The following POFUT3 variants were observed in gnomAD, a reference collection of about 807,000 sequenced individuals.
POFUT3 encodes GDP-fucose protein O-fucosyltransferase 3.
chr8:33,370,833 C>T, the POFUT3 span: 1 of 152,150 alleles, frequency 6.6e-6, no homozygotes, highest in South Asian at 2.1e-4. Context: ...ATTTTATATG[C>T]AATTTAAAAT....
the POFUT3 span, among the ~76,000 whole-genome samples, chr8:33,335,100 A>G: frequency 6.6e-6 from 1 of 151,876 alleles, no homozygotes; most frequent in Admixed American, 6.6e-5. Flanking sequence ...GATCTGAGCA[A>G]TGGTATGCTG....
the POFUT3 span, among the ~76,000 whole-genome samples, chr8:33,375,859 A>C: frequency 3.3e-5 from 5 of 152,016 alleles, no homozygotes; most frequent in African/African-American, 1.2e-4. Context: ...TTTACCAAAA[A>C]TACAAAAATG....
chr8:33,363,828 T>C, the POFUT3 span, among the ~76,000 whole-genome samples: 1 of 152,198 alleles, frequency 6.6e-6, no homozygotes, highest in Non-Finnish European at 1.5e-5. Context: ...CACAGCCGAA[T>C]TCTACCAGAG....
chr8:33,392,566 G>A, the POFUT3 span, among the ~76,000 whole-genome samples: 13 of 152,210 alleles, frequency 8.5e-5, no homozygotes, highest in South Asian at 2.1e-3. Context: ...GTGACAGAGC[G>A]AGACTCTGTC....
the POFUT3 span, among the ~76,000 whole-genome samples, chr8:33,308,582 A>G: frequency 6.6e-6 from 1 of 152,182 alleles, no homozygotes; most frequent in Non-Finnish European, 1.5e-5. Context: ...TCAATTGAAC[A>G]TGGACACAAA....
At chr8:33,429,144 A>G in the POFUT3 span, among the ~76,000 whole-genome samples, 1 of 152,180 alleles carries the variant, frequency 6.6e-6, no homozygotes, top group Non-Finnish European at 1.5e-5. Flanking sequence ...TTCCTTTTAC[A>G]AATAAGAAAA....
the POFUT3 span, among the ~76,000 whole-genome samples, chr8:33,415,712 C>T: frequency 6.6e-6 from 1 of 152,072 alleles, no homozygotes; most frequent in African/African-American, 2.4e-5. Flanking sequence ...GATTAAAGTC[C>T]CAGGACCTAT....
At chr8:33,413,468 A>G in the POFUT3 span, among the ~76,000 whole-genome samples, 1 of 152,176 alleles carries the variant, frequency 6.6e-6, no homozygotes, top group Non-Finnish European at 1.5e-5. Context: ...ACCAGACATG[A>G]GATTTGCAGA....
At chr8:33,342,141 C>G in the POFUT3 span, among the ~76,000 whole-genome samples, 2 of 152,086 alleles carry the variant, frequency 1.3e-5, no homozygotes, top group Admixed American at 6.6e-5. Context: ...GATCACACCA[C>G]TGCAACTCCA....
chr8:33,436,755 C>T, the POFUT3 span: 1 of 578,630 alleles, frequency 1.7e-6, no homozygotes, highest in South Asian at 2.1e-5. Context: ...AGCACGGACG[C>T]TTCTGACAAA....
At chr8:33,312,923 C>T in the POFUT3 span, among the ~76,000 whole-genome samples, 1 of 152,110 alleles carries the variant, frequency 6.6e-6, no homozygotes, top group Non-Finnish European at 1.5e-5. Context: ...GCATACCACC[C>T]TGCCTCCTCG....
At chr8:33,461,187 AAGGAAGGGAGGGAGGGAGGGAGGGAGGG>A in the POFUT3 span, among the ~76,000 whole-genome samples, 20 of 114,168 alleles carry the variant, frequency 1.8e-4, 1 homozygote, top group East Asian at 1.9e-3. Context: ...GGAAGGAAGG[AAGGAAGGGAGGGAGGGAGGGAGGGAGGG>A]AGGGAGGGAG....
the POFUT3 span, among the ~76,000 whole-genome samples, chr8:33,321,035 T>G: frequency 6.6e-6 from 1 of 152,074 alleles, no homozygotes; most frequent in East Asian, 1.9e-4. Flanking sequence ...CTGCTACTAA[T>G]GATTCATAAG....
At chr8:33,330,142 G>T in the POFUT3 span, among the ~76,000 whole-genome samples, 1 of 152,080 alleles carries the variant, frequency 6.6e-6, no homozygotes, top group East Asian at 1.9e-4. Flanking sequence ...GGTTGACAAA[G>T]ATAAATATAA....
the POFUT3 span, among the ~76,000 whole-genome samples, chr8:33,364,183 G>C: frequency 1.3e-5 from 2 of 151,104 alleles, no homozygotes; most frequent in Admixed American, 1.3e-4. Context: ...CATGATTATT[G>C]CAATAGATGC....
chr8:33,423,479 A>T, the POFUT3 span, among the ~76,000 whole-genome samples: 10 of 152,120 alleles, frequency 6.6e-5, no homozygotes, highest in African/African-American at 2.4e-4. Context: ...TATGTTGCCC[A>T]GGCTAGTCTT....
At chr8:33,341,946 A>C in the POFUT3 span, among the ~76,000 whole-genome samples, 227 of 152,116 alleles carry the variant, frequency 1.5e-3, 1 homozygote, top group African/African-American at 5.3e-3. Flanking sequence ...TAATCCCAGC[A>C]TTTTGAGAGG....
the POFUT3 span, among the ~76,000 whole-genome samples, chr8:33,347,682 G>C: frequency 7.2e-5 from 11 of 152,180 alleles, no homozygotes; most frequent in African/African-American, 2.7e-4. Context: ...CTAGGCATTA[G>C]GGATGTATAG....
the POFUT3 span, among the ~76,000 whole-genome samples, chr8:33,379,865 A>AAT: frequency 2.3e-5 from 3 of 128,744 alleles, no homozygotes; most frequent in East Asian, 2.1e-4. Context: ...ATATATATAT[A>AAT]ATATATATAT....
Sources: allele counts gnomAD v4.1 joint callset (sites outside exome capture counted in the v4.1 genomes callset), GRCh38; gene constraint gnomAD v4.1.1; transcripts MANE v1.5; gene names NCBI Gene and HGNC (gene_info 2026-07-23, HGNC 2026-07-21).